Variants in MYO1D observed in about 807,000 individuals in gnomAD.
MYO1D encodes myosin ID.
MYO1D carries 83 observed loss-of-function variants against 122.0 expected under a neutral mutation model. The observed-to-expected ratio is 0.68, with a 90% CI of 0.57 to 0.82. The LOEUF is 0.82. Among genes scored for constraint, MYO1D ranks in the 40% least tolerant of loss-of-function variants. The pLI, the probability that MYO1D is intolerant of heterozygous loss-of-function variation, is 0.00. For synonymous variants in MYO1D, 464 were observed against 446.9 expected (o/e 1.04, Z -0.48); for missense variants, 1,157 against 1,269.5 (o/e 0.91, Z 1.35).
At chr17:32,649,084 T>G (rs2088345098) in intron 19 of MYO1D, among the ~76,000 whole-genome samples, 2 of 152,234 alleles carry the variant, frequency 1.3e-5, no homozygotes, top group African/African-American at 4.8e-5. Flanking sequence ...TGTGCTATTG[T>G]TATCATAAAT....
intron 20 of MYO1D, among the ~76,000 whole-genome samples, chr17:32,607,009 A>G (rs956192558): frequency 1.7e-4 from 26 of 152,028 alleles, no homozygotes; most frequent in African/African-American, 6.3e-4. Flanking sequence ...AAAATACAAA[A>G]ATTAGCCAGG....
At position 32,771,229 on chromosome 17, in the gene MYO1D, T is replaced by C; in HGVS notation, c.619-9A>G. On this transcript the variant is annotated splice_polypyrimidine_tract_variant and intron_variant, in intron 5 of 21. Coordinates refer to ENST00000318217, the MANE Select transcript of MYO1D (RefSeq NM_015194.3). Reference sequence around the variant, plus strand: ...GAACCTCCTTGGAGTAGCTGAAAAATATTTAATTAGAAATAAATTGGCCAG... The same window carrying C: ...GAACCTCCTTGGAGTAGCTGAAAAACATTTAATTAGAAATAAATTGGCCAG... The C allele has an allele frequency of 1.9e-6, 3 of 1,579,578 alleles. No homozygotes were observed. Among genetic ancestry groups the C allele is most frequent in the Non-Finnish European group, 8.7e-7 (1 of 1,151,360 alleles).
intron 21 of MYO1D, among the ~76,000 whole-genome samples, chr17:32,509,787 C>T (rs1235424479): frequency 5.3e-5 from 8 of 152,052 alleles, no homozygotes; most frequent in Non-Finnish European, 8.8e-5. Context: ...CGGGGTTTCA[C>T]CATGTTGGCC....
At chr17:32,861,208 G>A (rs1366575745) in intron 1 of MYO1D, among the ~76,000 whole-genome samples, 1 of 150,924 alleles carries the variant, frequency 6.6e-6, no homozygotes, top group African/African-American at 2.4e-5. Context: ...TGGGACTACA[G>A]GCACCCACCA....
At chr17:32,789,796 C>T (rs2090332113) in intron 1 of MYO1D, among the ~76,000 whole-genome samples, 2 of 152,192 alleles carry the variant, frequency 1.3e-5, no homozygotes, top group South Asian at 4.1e-4. Flanking sequence ...TTGACGACCA[C>T]TGCCAGCAGC....
intron 21 of MYO1D, among the ~76,000 whole-genome samples, chr17:32,581,006 A>C (rs2087333977): frequency 6.6e-6 from 1 of 152,178 alleles, no homozygotes; most frequent in Non-Finnish European, 1.5e-5. Context: ...ATTTTCTCGA[A>C]GAGTTTGTGT....
At chr17:32,874,231 TTCTC>T (rs1408458510) in intron 1 of MYO1D, among the ~76,000 whole-genome samples, 3 of 151,498 alleles carry the variant, frequency 2.0e-5, no homozygotes, top group African/African-American at 7.3e-5. Flanking sequence ...GGCTTTTATC[TTCTC>T]TTTCTTTTCC....
At chr17:32,676,814 AT>A (rs950108382) in intron 16 of MYO1D, among the ~76,000 whole-genome samples, 127 of 146,710 alleles carry the variant, frequency 8.7e-4, no homozygotes, top group Non-Finnish European at 8.6e-4. Flanking sequence ...GAAAAATAGA[AT>A]TTTTTTTTTT....
chr17:32,523,094 C>A (rs1243900734), intron 21 of MYO1D, among the ~76,000 whole-genome samples: 4 of 152,192 alleles, frequency 2.6e-5, no homozygotes, highest in Non-Finnish European at 4.4e-5. Context: ...GGATTACAGG[C>A]GTGAGCAACC....
At chr17:32,529,282 C>A (rs914895527) in intron 21 of MYO1D, among the ~76,000 whole-genome samples, 1 of 151,950 alleles carries the variant, frequency 6.6e-6, no homozygotes, top group East Asian at 1.9e-4. Context: ...CTGGCAGGGT[C>A]TCAGAAGGCA....
chr17:32,840,089 G>A (rs1052918812), intron 1 of MYO1D, among the ~76,000 whole-genome samples: 2 of 152,180 alleles, frequency 1.3e-5, no homozygotes, highest in Non-Finnish European at 2.9e-5. Flanking sequence ...CCCCACTGGA[G>A]GCACTAGGGC....
intron 21 of MYO1D, among the ~76,000 whole-genome samples, chr17:32,529,357 C>T (rs1278328769): frequency 1.3e-5 from 2 of 148,306 alleles, no homozygotes; most frequent in African/African-American, 5.0e-5. Flanking sequence ...ACGTGAGCTG[C>T]CTGGACAGAG....
intron 6 of MYO1D, among the ~76,000 whole-genome samples, chr17:32,768,000 G>C (rs1264301027): frequency 6.6e-6 from 1 of 152,188 alleles, no homozygotes; most frequent in Non-Finnish European, 1.5e-5. Context: ...CCTTCAGTGA[G>C]GGAGCAAGTC....
At chr17:32,801,694 C>T (rs1412828010) in intron 1 of MYO1D, among the ~76,000 whole-genome samples, 3 of 152,140 alleles carry the variant, frequency 2.0e-5, no homozygotes, top group African/African-American at 7.2e-5. Flanking sequence ...TAGATGTAGA[C>T]ACATGTATGT....
At position 32,494,003 on chromosome 17, in the gene MYO1D, C is replaced by G. The variant is rs1247908293; in HGVS notation, c.*756G>C. The G allele has an allele frequency of 2.6e-5, 4 of 152,332 alleles. No homozygotes were observed. Among genetic ancestry groups the G allele is most frequent in the African/African-American group, 9.7e-5 (4 of 41,450 alleles). 9.4% of individuals were successfully genotyped at this position (152,332 alleles called of 1,614,324 possible). A position where few individuals can be genotyped will look rare whatever the true frequency, so the allele number is the denominator to read the frequency against. On this transcript the variant is annotated 3_prime_UTR_variant, in exon 22 of 22. Coordinates refer to ENST00000318217, the MANE Select transcript of MYO1D (RefSeq NM_015194.3). Reference sequence around the variant, plus strand: ...GCAACCCTGCAAACGGTGAAAGTATCTATAAGAGGACCACAGCCACAGGCT... The same window carrying G: ...GCAACCCTGCAAACGGTGAAAGTATGTATAAGAGGACCACAGCCACAGGCT...
At chr17:32,786,388 T>C (rs1298013940) in intron 1 of MYO1D, among the ~76,000 whole-genome samples, 1 of 152,126 alleles carries the variant, frequency 6.6e-6, no homozygotes, top group Non-Finnish European at 1.5e-5. Flanking sequence ...CAGACATACA[T>C]AGGGAACTTG....
At chr17:32,765,488 C>T (rs905847429) in intron 7 of MYO1D, among the ~76,000 whole-genome samples, 3 of 152,032 alleles carry the variant, frequency 2.0e-5, no homozygotes, top group African/African-American at 7.2e-5. Context: ...GACAGAGTCT[C>T]GCTCTGTCGC....
At position 32,876,967 on chromosome 17, in the gene MYO1D, G is replaced by A. The variant is rs549867300; in HGVS notation, c.-95C>T. The A allele has an allele frequency of 2.3e-3, 1,500 of 666,112 alleles. 6 individuals are homozygous for A. Among genetic ancestry groups the A allele is most frequent in the Middle Eastern group, 6.8e-3 (15 of 2,210 alleles). 41.3% of individuals were successfully genotyped at this position (666,112 alleles called of 1,614,324 possible). ...TCGGGAGGGGCCGGGGCGAGGCCGC[G>A]CCGCGAGGCTACGGGGAGGGGGCGC... On this transcript the variant is annotated 5_prime_UTR_variant, in exon 1 of 22. Transcript: ENST00000318217.
chr17:32,851,708 C>T (rs974003580), intron 1 of MYO1D, among the ~76,000 whole-genome samples: 5 of 152,210 alleles, frequency 3.3e-5, no homozygotes, highest in Non-Finnish European at 7.3e-5. Context: ...TGTTCCACCT[C>T]AGATCATCAG....
Sources: allele counts gnomAD v4.1 joint callset (sites outside exome capture counted in the v4.1 genomes callset), GRCh38; gene constraint gnomAD v4.1.1; transcripts MANE v1.5; gene names NCBI Gene and HGNC (gene_info 2026-07-23, HGNC 2026-07-21).